PSD3: variants seen among roughly 807,000 people sequenced by gnomAD.
The protein encoded by PSD3 is pleckstrin and Sec7 domain containing 3.
A neutral mutation model predicts 105.5 loss-of-function variants in PSD3; 49 were observed. The ratio of observed to expected loss-of-function variants is 0.46; its 90% confidence interval spans 0.37 to 0.59. The LOEUF is 0.59. PSD3 is among the 20% of genes least tolerant of loss of function. The probability of loss-of-function intolerance (pLI) is 0.00; values close to 1 mark genes in which losing one functional copy is unlikely to be tolerated. For synonymous variants in PSD3, 557 were observed against 457.8 expected (o/e 1.22, Z -2.77); for missense variants, 1,561 against 1,263.8 (o/e 1.24, Z -3.57).
At position 19,070,369 on chromosome 8, in the gene PSD3, CAAAA is replaced by C. The variant is rs10561436; in HGVS notation, c.324+13833_324+13836del. Among the ~76,000 whole-genome samples the C allele has an allele frequency of 5.8e-4, 78 of 133,560 alleles. 1 individual carries two copies. Among genetic ancestry groups the C allele is most frequent in the African/African-American group, 1.8e-3 (66 of 36,426 alleles). The allele number at this position is 133,560 out of a possible 152,430, so 87.6% of individuals were successfully genotyped here. On this transcript the variant is annotated intron_variant, in intron 1 of 1. Coordinates refer to the PSD3 transcript ENST00000521475. ...CACTATTGTATTAGTATGTCATGTG[CAAAA>C]AAAAAAAAAAAACCCACAAAAATAA...
At chr8:18,747,861 T>G (rs1207253923) in intron 9 of PSD3, among the ~76,000 whole-genome samples, 1 of 151,756 alleles carries the variant, frequency 6.6e-6, no homozygotes, top group Non-Finnish European at 1.5e-5. Context: ...AGTTTCCTTT[T>G]GCAGGCCTCT....
chr8:18,784,457 T>C (rs1026321173), intron 8 of PSD3, among the ~76,000 whole-genome samples: 2 of 152,190 alleles, frequency 1.3e-5, no homozygotes, highest in Admixed American at 6.5e-5. Flanking sequence ...AATTCAATTA[T>C]AATACTATGT....
chr8:19,043,890 A>G (rs888198858), intron 1 of PSD3, among the ~76,000 whole-genome samples: 3 of 152,240 alleles, frequency 2.0e-5, no homozygotes, highest in African/African-American at 7.2e-5. Context: ...AGCACAAAAT[A>G]GACTAAGACA....
rs116344946 is a variant in PSD3 at position 18,566,688 on chromosome 8, T to C, written c.2784+5840A>G. Among the ~76,000 whole-genome samples the C allele has an allele frequency of 5.2e-3, 799 of 152,308 alleles. 9 individuals are homozygous for C. Among genetic ancestry groups the C allele is most frequent in the African/African-American group, 0.019 (776 of 41,570 alleles). ...CAAATAAATTAAATTCCTGAAATGA[T>C]ACGGTTACCTTGTCTTACATGATAC... On this transcript the variant is annotated intron_variant, in intron 14 of 15. Transcript: ENST00000327040.
chr8:18,723,608 T>C (rs1255584741), intron 9 of PSD3, among the ~76,000 whole-genome samples: 1 of 152,184 alleles, frequency 6.6e-6, no homozygotes, highest in Non-Finnish European at 1.5e-5. Flanking sequence ...TCCTTCTGTA[T>C]CTCCAGTACC....
At chr8:19,077,443 T>C in intron 1 of PSD3, among the ~76,000 whole-genome samples, 1 of 152,196 alleles carries the variant, frequency 6.6e-6, no homozygotes, top group African/African-American at 2.4e-5. Flanking sequence ...CAGTCATAGC[T>C]GCTGATGACT....
intron 1 of PSD3, among the ~76,000 whole-genome samples, chr8:18,945,514 G>A (rs981608369): frequency 2.0e-5 from 3 of 152,278 alleles, no homozygotes; most frequent in South Asian, 2.1e-4. Context: ...ACTCCTTTCC[G>A]ACTTCTAGTC....
intron 8 of PSD3, among the ~76,000 whole-genome samples, chr8:18,783,738 T>C (rs1323971399): frequency 6.6e-6 from 1 of 152,188 alleles, no homozygotes; most frequent in African/African-American, 2.4e-5. Context: ...GGTCAAGTGA[T>C]TCTCTCACAT....
intron 11 of PSD3, among the ~76,000 whole-genome samples, chr8:18,606,155 A>G: frequency 6.6e-6 from 1 of 152,152 alleles, no homozygotes; most frequent in East Asian, 1.9e-4. Context: ...AGACATTATA[A>G]CTTTGAATAA....
chr8:18,623,688 G>T (rs1014059153), intron 11 of PSD3, among the ~76,000 whole-genome samples: 29 of 150,924 alleles, frequency 1.9e-4, no homozygotes, highest in African/African-American at 6.8e-4. Flanking sequence ...ACTTCAAAAG[G>T]TTATCAAGAG....
chr8:18,610,787 A>G (rs539971089), intron 11 of PSD3, among the ~76,000 whole-genome samples: 27 of 152,204 alleles, frequency 1.8e-4, no homozygotes, highest in African/African-American at 6.5e-4. Context: ...CTCTATTCCT[A>G]TAAGAGGTCT....
intron 1 of PSD3, among the ~76,000 whole-genome samples, chr8:19,053,875 A>C (rs1828614071): frequency 6.6e-6 from 1 of 152,236 alleles, no homozygotes; most frequent in Non-Finnish European, 1.5e-5. Flanking sequence ...TATTTGTACA[A>C]ATGAATGAAT....
At chr8:18,636,366 G>A (rs1807257159) in intron 10 of PSD3, among the ~76,000 whole-genome samples, 2 of 152,166 alleles carry the variant, frequency 1.3e-5, no homozygotes, top group African/African-American at 4.8e-5. Flanking sequence ...TTGTACAGCT[G>A]TATAATGTGT....
chr8:18,658,867 G>T (rs941387306), intron 9 of PSD3, among the ~76,000 whole-genome samples: 1 of 151,926 alleles, frequency 6.6e-6, no homozygotes, highest in Non-Finnish European at 1.5e-5. Context: ...ATCTCAATTC[G>T]CCTCTTTCTA....
chr8:18,895,398 T>G (rs1423232736), intron 2 of PSD3, among the ~76,000 whole-genome samples: 1 of 152,204 alleles, frequency 6.6e-6, no homozygotes, highest in Non-Finnish European at 1.5e-5. Flanking sequence ...TATCTCCCCC[T>G]ATCTACAGTC....
rs1474031860 is a variant in PSD3 at position 18,798,729 on chromosome 8, C to T, written c.2082+566G>A. On this transcript the variant is annotated intron_variant, in intron 8 of 15. Coordinates refer to ENST00000327040, the MANE Select transcript of PSD3 (RefSeq NM_015310.4). ...ATTTTAAAGAGTATTATGAAGAGTT[C>T]GAGTAAATGCTAAAATTCTACTTCT... Among the ~76,000 whole-genome samples, 7 of 152,036 alleles carry T rather than the reference C, an allele frequency of 4.6e-5. No individual in the cohort carries two copies. In the East Asian group the frequency reaches 5.8e-4, roughly 13 times the overall value.
intron 1 of PSD3, among the ~76,000 whole-genome samples, chr8:18,939,353 T>C (rs765541361): frequency 8.5e-5 from 13 of 152,320 alleles, no homozygotes; most frequent in East Asian, 5.8e-4. Flanking sequence ...AACCAGAGTA[T>C]TGGTAGCAAT....
chr8:18,632,664 T>C lies in PSD3; in HGVS notation c.2359A>G (p.Lys787Glu). 1.9e-6 allele frequency: 3 copies of C among 1,612,794 alleles called. No individual in the cohort carries two copies. Among genetic ancestry groups the C allele is most frequent in the Non-Finnish European group, 2.5e-6 (3 of 1,179,138 alleles). Residue 787 changes from lysine (K) to glutamate (E), a missense_variant, in exon 11 of 16, where the codon AAA becomes GAA. Lys to Glu is a moderately conservative substitution (Grantham distance 56, BLOSUM62 1). Coordinates refer to ENST00000327040, the MANE Select transcript of PSD3 (RefSeq NM_015310.4). ...IPHDPNAAVY[K>E]SGFLARKIHA... Reference sequence around the variant, plus strand: ...ATTTTCCGAGCCAAGAATCCACTTTTGTACACAGCAGCATTTGGATCATGA... The same window carrying C: ...ATTTTCCGAGCCAAGAATCCACTTTCGTACACAGCAGCATTTGGATCATGA...
chr8:18,998,717 CA>C (rs1261539635), intron 1 of PSD3, among the ~76,000 whole-genome samples: 2 of 151,776 alleles, frequency 1.3e-5, no homozygotes, highest in Admixed American at 6.6e-5. Context: ...AAATGGGTCC[CA>C]AAAGGTCCAC....
Sources: gnomAD v4.1 joint callset for allele counts (sites outside exome capture counted in the v4.1 genomes callset) on GRCh38, gnomAD v4.1.1 for gene constraint, MANE v1.5 for transcripts, NCBI Gene and HGNC (gene_info 2026-07-23, HGNC 2026-07-21) for gene names.